Variants in FAM110B observed in about 807,000 individuals in gnomAD.
FAM110B encodes the protein protein FAM110B.
In FAM110B, 6 loss-of-function variants were observed where a neutral mutation model predicts 20.4. The observed-to-expected ratio is 0.29, with a 90% confidence interval of 0.16 to 0.58. FAM110B has a LOEUF of 0.58. Among genes scored for constraint, FAM110B ranks in the 20% least tolerant of loss-of-function variants. FAM110B has a pLI of 0.90. For missense variants in FAM110B, 434 were observed against 498.2 expected (o/e 0.87, Z 1.23); for synonymous variants, 226 against 214.1 (o/e 1.06, Z -0.49).
chr8:58,023,592 T>C (rs1319474360), intron 1 of FAM110B, among the ~76,000 whole-genome samples: 1 of 152,186 alleles, frequency 6.6e-6, no homozygotes, highest in Non-Finnish European at 1.5e-5. Context: ...ACAGAACATA[T>C]CAGAGTTACC....
chr8:58,121,002 A>T (rs1034843443), intron 3 of FAM110B, among the ~76,000 whole-genome samples: 1 of 152,222 alleles, frequency 6.6e-6, no homozygotes. Flanking sequence ...ATTTGAATAT[A>T]AAGGGATGTA....
chr8:58,025,082 G>A (rs966954735), intron 1 of FAM110B, among the ~76,000 whole-genome samples: 1 of 152,124 alleles, frequency 6.6e-6, no homozygotes, highest in Non-Finnish European at 1.5e-5. Flanking sequence ...TATCTATGAA[G>A]TGTCACATCC....
At chr8:58,089,266 T>A (rs1315640705) in intron 3 of FAM110B, among the ~76,000 whole-genome samples, 1 of 152,198 alleles carries the variant, frequency 6.6e-6, no homozygotes. Flanking sequence ...CTATCAACCT[T>A]GTCATTTGAA....
At position 58,140,892 on chromosome 8, in the gene FAM110B, G is replaced by A. The variant is rs187845459; in HGVS notation, c.-324-5015G>A. 5.5e-4 allele frequency among the ~76,000 whole-genome samples: 83 copies of A among 152,166 alleles called. 1 individual carries two copies. The highest frequency in any genetic ancestry group is 2.0e-3 in the African/African-American group (82 of 41,500). On this transcript the variant is annotated intron_variant, in intron 3 of 3. Coordinates refer to ENST00000519262, the MANE Select transcript of FAM110B (RefSeq NM_001377989.1). ...AATTTATTTTCTACATCATTCATTC[G>A]ATTCACATTTACCAAATGCATTTTG... is the stretch of plus-strand genomic sequence containing the variant.
intron 1 of FAM110B, among the ~76,000 whole-genome samples, chr8:58,010,431 T>C (rs183244829): frequency 1.3e-5 from 2 of 152,088 alleles, no homozygotes; most frequent in African/African-American, 2.4e-5. Context: ...CTAGCCTCAT[T>C]TGGGAAGAGA....
intron 3 of FAM110B, among the ~76,000 whole-genome samples, chr8:58,098,736 C>T (rs546663626): frequency 9.9e-4 from 141 of 142,968 alleles, no homozygotes; most frequent in African/African-American, 3.5e-3. Context: ...TGTAGTATCT[C>T]GGCTGGAATG....
chr8:58,111,230 G>A (rs1200092355), intron 3 of FAM110B, among the ~76,000 whole-genome samples: 1 of 152,156 alleles, frequency 6.6e-6, no homozygotes, highest in South Asian at 2.1e-4. Context: ...TCATCTGCCT[G>A]TATATTTGAA....
At chr8:58,002,533 G>A (rs766337902) in intron 1 of FAM110B, among the ~76,000 whole-genome samples, 2 of 152,088 alleles carry the variant, frequency 1.3e-5, no homozygotes, top group Non-Finnish European at 2.9e-5. Flanking sequence ...TGTATCTTCT[G>A]TAAGACAGTA....
chr8:58,087,523 C>G (rs1377971691), intron 3 of FAM110B, among the ~76,000 whole-genome samples: 1 of 152,190 alleles, frequency 6.6e-6, no homozygotes, highest in Non-Finnish European at 1.5e-5. Flanking sequence ...TGGGTCATAA[C>G]TGGAAAAGCC....
chr8:58,075,582 G>A lies in FAM110B; in HGVS notation c.-366G>A, dbSNP rs1806018057. 6.6e-6 allele frequency: 1 copy of A among 152,030 alleles called. No homozygotes were observed. Among genetic ancestry groups the A allele is most frequent in the Non-Finnish European group, 1.5e-5 (1 of 68,014 alleles). 9.4% of individuals were successfully genotyped at this position (152,030 alleles called of 1,614,324 possible). A position where few individuals can be genotyped will look rare whatever the true frequency, so the allele number is the denominator to read the frequency against. On this transcript the variant is annotated 5_prime_UTR_variant, in exon 3 of 4. Coordinates refer to ENST00000519262, the MANE Select transcript of FAM110B (RefSeq NM_001377989.1). ...TTTTAAGAAAGGACAGCATTCCTGT[G>A]ACCTCTGCCTACCATCCATAAAATA...
intron 3 of FAM110B, among the ~76,000 whole-genome samples, chr8:58,124,343 A>G (rs1807438857): frequency 6.6e-6 from 1 of 152,214 alleles, no homozygotes; most frequent in African/African-American, 2.4e-5. Context: ...ACAGCAGACC[A>G]TTGCTAAGAG....
intron 3 of FAM110B, among the ~76,000 whole-genome samples, chr8:58,105,175 C>T (rs1806877376): frequency 6.6e-6 from 1 of 151,964 alleles, no homozygotes; most frequent in Admixed American, 6.6e-5. Context: ...CTTTGGGCTC[C>T]ATGTTACCTA....
intron 2 of FAM110B, among the ~76,000 whole-genome samples, chr8:58,035,437 T>C (rs1805058305): frequency 6.6e-6 from 1 of 152,242 alleles, no homozygotes; most frequent in South Asian, 2.1e-4. Flanking sequence ...TACCATTTGT[T>C]TCACACATTT....
chr8:57,995,141 G>T (rs545129752), intron 1 of FAM110B, among the ~76,000 whole-genome samples: 3 of 152,180 alleles, frequency 2.0e-5, no homozygotes, highest in African/African-American at 4.8e-5. Flanking sequence ...CTGGAGCCGG[G>T]GTTGGAGCCA....
chr8:58,030,100 A>G (rs1804935369), intron 1 of FAM110B, among the ~76,000 whole-genome samples: 1 of 152,236 alleles, frequency 6.6e-6, no homozygotes, highest in African/African-American at 2.4e-5. Context: ...GGTCACAATC[A>G]AATTAATATG....
intron 3 of FAM110B, among the ~76,000 whole-genome samples, chr8:58,136,899 A>C (rs1489283274): frequency 6.6e-6 from 1 of 152,254 alleles, no homozygotes; most frequent in East Asian, 1.9e-4. Flanking sequence ...ACCTTGGAGA[A>C]TGACATTAAA....
Position 58,146,114 on chromosome 8 carries a change from A to G in FAM110B, c.-117A>G. On this transcript the variant is annotated 5_prime_UTR_variant, in exon 4 of 4. Transcript: ENST00000519262. ...CGCTGCTGCGGCCGCTGCTGCTGAC[A>G]CTCGCTCCCAGGCTGCACCCGCCGC... 8.1e-7 allele frequency: 1 copy of G among 1,230,342 alleles called. No individual in the cohort carries two copies. The highest frequency in any genetic ancestry group is 1.1e-6 in the Non-Finnish European group (1 of 898,958). 76.2% of individuals were successfully genotyped at this position (1,230,342 alleles called of 1,614,324 possible).
At chr8:58,079,774 C>T (rs187823112) in intron 3 of FAM110B, among the ~76,000 whole-genome samples, 134 of 150,680 alleles carry the variant, frequency 8.9e-4, no homozygotes, top group African/African-American at 1.0e-3. Context: ...GAGCCAAGAC[C>T]CTATCTTTAA....
rs534980952 is a variant in FAM110B at position 58,148,178 on chromosome 8, T to C, written c.*835T>C. On this transcript the variant is annotated 3_prime_UTR_variant, in exon 4 of 4. Transcript: ENST00000519262. ...GTTGTGGTTTTTTGTTTTTTTTTTT[T>C]TTTTTTTTGGTCGAGAACTACTAAT... is the stretch of plus-strand genomic sequence containing the variant. The C allele has an allele frequency of 2.4e-5, 3 of 126,588 alleles. No homozygotes were observed. Among genetic ancestry groups the C allele is most frequent in the African/African-American group, 7.9e-5 (3 of 38,084 alleles). The allele number at this position is 126,588 out of a possible 1,614,324, so 7.8% of individuals were successfully genotyped here. A position where few individuals can be genotyped will look rare whatever the true frequency, so the allele number is the denominator to read the frequency against.
Sources: gnomAD v4.1 joint callset for allele counts (sites outside exome capture counted in the v4.1 genomes callset) on GRCh38, gnomAD v4.1.1 for gene constraint, MANE v1.5 for transcripts, NCBI Gene and HGNC (gene_info 2026-07-23, HGNC 2026-07-21) for gene names.